Variants in OR51B5 observed in about 807,000 individuals in gnomAD.
OR51B5 encodes the protein olfactory receptor 51B5.
For synonymous variants in OR51B5, 186 were observed against 144.8 expected, an observed-to-expected ratio of 1.28 and a Z score of -2.04; for missense variants, 456 against 374.6, an observed-to-expected ratio of 1.22 and a Z score of -1.79.
intron 1 of OR51B5, among the ~76,000 whole-genome samples, chr11:5,374,658 G>A (rs557725801): frequency 1.3e-5 from 2 of 152,316 alleles, no homozygotes; most frequent in South Asian, 2.1e-4. Context: ...GGAGCTGAAA[G>A]CCAAGGCTCG....
At chr11:5,474,706 T>A (rs1051639802) in intron 1 of OR51B5, among the ~76,000 whole-genome samples, 1 of 152,212 alleles carries the variant, frequency 6.6e-6, no homozygotes, top group African/African-American at 2.4e-5. Context: ...ATTAATAACA[T>A]CACACATACA....
At position 5,476,315 on chromosome 11, in the gene OR51B5, G is replaced by C. The variant is rs146496687; in HGVS notation, n.84+29254C>G. ...TTGCATATCAAAATGGAGCCACTGT[G>C]AGTTAAATAACTTATCTATAGTCAC... On this transcript the variant is annotated intron_variant and non_coding_transcript_variant, in intron 1 of 4. Transcript: ENST00000415970. 2.4e-3 allele frequency among the ~76,000 whole-genome samples: 369 copies of C among 152,284 alleles called. 2 individuals carry two copies. The highest frequency in any genetic ancestry group is 4.4e-3 in the Non-Finnish European group (299 of 68,024).
At chr11:5,452,968 T>C (rs981893074) in intron 1 of OR51B5, among the ~76,000 whole-genome samples, 1 of 152,176 alleles carries the variant, frequency 6.6e-6, no homozygotes, top group Non-Finnish European at 1.5e-5. Context: ...TCCCTCTCCA[T>C]CCAAGCACAC....
At chr11:5,472,517 A>T (rs1851243499) in intron 1 of OR51B5, among the ~76,000 whole-genome samples, 2 of 152,080 alleles carry the variant, frequency 1.3e-5, no homozygotes, top group African/African-American at 4.8e-5. Flanking sequence ...GAGCTCTATA[A>T]AGCTGCGTCT....
intron 1 of OR51B5, among the ~76,000 whole-genome samples, chr11:5,478,942 A>T (rs147749225): frequency 4.5e-4 from 68 of 151,002 alleles, no homozygotes; most frequent in African/African-American, 1.6e-3. Flanking sequence ...ACTCTGCAGG[A>T]TATTATCCGG....
At chr11:5,464,370 G>T (rs988740445) in intron 1 of OR51B5, among the ~76,000 whole-genome samples, 5 of 151,980 alleles carry the variant, frequency 3.3e-5, no homozygotes, top group African/African-American at 1.2e-4. Context: ...CATGTGCCAT[G>T]CTGGTGCGCT....
At chr11:5,417,478 G>A (rs371786900) in intron 1 of OR51B5, among the ~76,000 whole-genome samples, 272 of 151,344 alleles carry the variant, frequency 1.8e-3, no homozygotes, top group African/African-American at 6.2e-3. Context: ...ACTACCATCA[G>A]AGTGAACAGG....
chr11:5,379,132 A>G (rs1402079333), intron 1 of OR51B5, among the ~76,000 whole-genome samples: 2 of 151,976 alleles, frequency 1.3e-5, no homozygotes, highest in African/African-American at 4.8e-5. Flanking sequence ...CTATGCAGCC[A>G]TAAAAATGAT....
downstream of OR51B5, chr11:5,341,132 G>C (rs920239571): frequency 3.9e-5 from 6 of 152,152 alleles, no homozygotes; most frequent in African/African-American, 1.4e-4. Context: ...CTCTCTATGA[G>C]CAATACCTGA....
At chr11:5,457,302 G>T (rs149289446) in intron 1 of OR51B5, among the ~76,000 whole-genome samples, 1 of 152,148 alleles carries the variant, frequency 6.6e-6, no homozygotes, top group South Asian at 2.1e-4. Context: ...TAGCTGCAAA[G>T]GACATGATTT....
intron 1 of OR51B5, among the ~76,000 whole-genome samples, chr11:5,373,179 AT>A (rs200199300): frequency 0.046 from 6,940 of 152,312 alleles, 224 homozygotes; most frequent in South Asian, 0.096. Context: ...GATTAAAGAC[AT>A]AAATGTAAGA....
intron 1 of OR51B5, among the ~76,000 whole-genome samples, chr11:5,359,903 C>T (rs1241169430): frequency 6.6e-6 from 1 of 152,134 alleles, no homozygotes; most frequent in Non-Finnish European, 1.5e-5. Context: ...AAAGGATTCC[C>T]TATTTAATAA....
At chr11:5,477,529 C>G (rs1012705430) in intron 1 of OR51B5, among the ~76,000 whole-genome samples, 2 of 152,182 alleles carry the variant, frequency 1.3e-5, no homozygotes, top group African/African-American at 4.8e-5. Context: ...CAAATAGGAA[C>G]AGCTCCGGTC....
chr11:5,375,130 C>A (rs184073298), intron 1 of OR51B5, among the ~76,000 whole-genome samples: 44,850 of 132,142 alleles, frequency 0.34, 9,140 homozygotes, highest in Non-Finnish European at 0.37. Flanking sequence ...CTAACAGCAG[C>A]TCTCTTGGCA....
chr11:5,392,458 C>G (rs1020121374), intron 1 of OR51B5: 1 of 152,186 alleles, frequency 6.6e-6, no homozygotes, highest in East Asian at 1.9e-4. Context: ...CCCATTTTGC[C>G]TCTTATTAAC....
upstream of OR51B5, among the ~76,000 whole-genome samples, chr11:5,347,235 T>C (rs1849007268): frequency 6.6e-6 from 1 of 152,162 alleles, no homozygotes; most frequent in Admixed American, 6.6e-5. Flanking sequence ...TCTTTCCCAG[T>C]TTATCTCAAG....
At chr11:5,391,502 A>G (rs1018170262) in intron 1 of OR51B5, 10 of 152,244 alleles carry the variant, frequency 6.6e-5, no homozygotes, top group African/African-American at 2.4e-4. Context: ...TGCCTAGCAC[A>G]TGCCATATAC....
rs764961321 is a variant in OR51B5, at chr11:5,342,655, A to C, written c.870T>G (p.Tyr290Ter). ...TCTGAATCTGCTTGGTCTTGACACT[A>C]TATGTTATAGGATTCATTAGTGGAG... Residue 290 changes from tyrosine to a stop codon, truncating the protein, a stop_gained, in exon 1 of 1, where the codon TAT (tyrosine) becomes TAG (stop). Coordinates refer to ENST00000300773, the Ensembl canonical transcript of OR51B5. LOFTEE classifies it low-confidence loss of function (END_TRUNC). The C allele has an allele frequency of 6.2e-7, 1 of 1,613,456 alleles. No homozygotes were observed. Among genetic ancestry groups the C allele is most frequent in the Non-Finnish European group, 8.5e-7 (1 of 1,179,732 alleles).
chr11:5,446,878 G>A (rs1049198126), intron 1 of OR51B5, among the ~76,000 whole-genome samples: 10 of 152,206 alleles, frequency 6.6e-5, no homozygotes, highest in Non-Finnish European at 1.2e-4. Context: ...ACTTCAGTGC[G>A]TAAGGTTTTA....
Sources: gnomAD v4.1 joint callset for allele counts (sites outside exome capture counted in the v4.1 genomes callset) on GRCh38, gnomAD v4.1.1 for gene constraint, MANE v1.5 for transcripts, NCBI Gene and HGNC (gene_info 2026-07-23, HGNC 2026-07-21) for gene names.